Variants in GPATCH8 observed in about 807,000 individuals in gnomAD.
The protein encoded by GPATCH8 is G-patch domain containing 8, also known as G patch domain-containing protein 8.
A neutral mutation model predicts 118.3 loss-of-function variants in GPATCH8; 18 were observed. That is an observed-to-expected ratio of 0.15 (90% CI 0.11 to 0.23). The LOEUF is 0.23. GPATCH8 is among the 10% of genes least tolerant of loss of function. The pLI is 1.00. For synonymous variants in GPATCH8, 659 were observed against 684.7 expected (o/e 0.96, Z 0.59); for missense variants, 1,631 against 1,873.8 (o/e 0.87, Z 2.39).
intron 6 of GPATCH8, 82 bp downstream of exon 6, chr17:44,424,267 T>C (rs2050015025): frequency 3.2e-6 from 3 of 951,544 alleles, no homozygotes; most frequent in Non-Finnish European, 5.2e-6. Context: ...AGACACCAAG[T>C]TTTGGGGGGT....
chr17:44,485,636 C>T (rs2144437351), intron 1 of GPATCH8, among the ~76,000 whole-genome samples: 1 of 152,250 alleles, frequency 6.6e-6, no homozygotes, highest in East Asian at 1.9e-4. Flanking sequence ...CTACCATTCC[C>T]TCAATGAGAG....
chr17:44,473,328 GT>G (rs1313121721), intron 2 of GPATCH8: 2 of 151,796 alleles, frequency 1.3e-5, no homozygotes, highest in Non-Finnish European at 2.9e-5. Context: ...TAGAGATGGG[GT>G]TTCACCGTGT....
chr17:44,398,075 C>A lies in GPATCH8; in HGVS notation c.4002G>T (p.Gln1334His). 3 of 1,614,070 alleles carry A rather than the reference C, an allele frequency of 1.9e-6. No individual in the cohort carries two copies. Among genetic ancestry groups the A allele is most frequent in the Non-Finnish European group, 2.5e-6 (3 of 1,179,972 alleles). Residue 1334 changes from glutamine (Q) to histidine (H), a missense_variant, in exon 8 of 8, where the codon CAG (glutamine) becomes CAT (histidine). By Grantham distance (24) the Gln-to-His change is conservative. Transcript: ENST00000591680. Reference sequence around the variant, plus strand: ...AGGCCTTTACTTGCTTGGCCAGAAGCTGCTGCTGGATGTGTTGCTGAGCAG... The same window carrying A: ...AGGCCTTTACTTGCTTGGCCAGAAGATGCTGCTGGATGTGTTGCTGAGCAG... ...QQAAQQHIQQ[Q>H]LLAKQVKAFP...
intron 1 of GPATCH8, among the ~76,000 whole-genome samples, chr17:44,496,866 A>G (rs1395023400): frequency 6.6e-6 from 1 of 152,200 alleles, no homozygotes; most frequent in Admixed American, 6.5e-5. Context: ...TGCATTGACT[A>G]ATACGATATG....
intron 5 of GPATCH8, among the ~76,000 whole-genome samples, chr17:44,430,072 C>T (rs982749936): frequency 4.0e-5 from 6 of 149,704 alleles, no homozygotes; most frequent in East Asian, 2.0e-4. Context: ...ACCAACTCAC[C>T]GACCCACCCA....
Position 44,487,100 on chromosome 17 carries a change from A to T in GPATCH8, c.46-12197T>A, listed in dbSNP as rs548643578. Among the ~76,000 whole-genome samples the T allele has an allele frequency of 2.6e-5, 4 of 152,318 alleles. No homozygotes were observed. The East Asian group carries it at 7.7e-4, about 29-fold the overall frequency. ...TATACAGACATTTATCTACCATTAT[A>T]GTATCATAGAGAATAATTTCACTGC... On this transcript the variant is annotated intron_variant, in intron 1 of 7. Coordinates refer to ENST00000591680, the MANE Select transcript of GPATCH8 (RefSeq NM_001002909.4).
Position 44,395,975 on chromosome 17 carries a change from T to C in GPATCH8, c.*1593A>G. The C allele has an allele frequency of 4.4e-6, 2 of 454,400 alleles. No individual in the cohort carries two copies. The highest frequency in any genetic ancestry group is 8.8e-6 in the Non-Finnish European group (2 of 226,762). 28.1% of individuals were successfully genotyped at this position (454,400 alleles called of 1,614,324 possible). On this transcript the variant is annotated 3_prime_UTR_variant, in exon 8 of 8. Coordinates refer to ENST00000591680, the MANE Select transcript of GPATCH8 (RefSeq NM_001002909.4). The stretch of plus-strand genomic sequence containing the variant: ...GTGGTAATTCCTCTTGTCAGTGTCA[T>C]GGGAGAAAAGAAACAAGGAACGTTT...
intron 5 of GPATCH8, among the ~76,000 whole-genome samples, chr17:44,429,247 A>G (rs1261144650): frequency 6.6e-6 from 1 of 152,230 alleles, no homozygotes; most frequent in Non-Finnish European, 1.5e-5. Context: ...AACACAGTAT[A>G]ATACAGCTAA....
chr17:44,463,681 A>G (rs2051649817), intron 3 of GPATCH8, among the ~76,000 whole-genome samples: 1 of 152,198 alleles, frequency 6.6e-6, no homozygotes, highest in African/African-American at 2.4e-5. Context: ...CGCCCGGCCA[A>G]TTCCCATAAT....
At chr17:44,480,676 C>T (rs905010924) in intron 1 of GPATCH8, among the ~76,000 whole-genome samples, 5 of 150,092 alleles carry the variant, frequency 3.3e-5, no homozygotes, top group Admixed American at 6.7e-5. Flanking sequence ...GCTGAGATCG[C>T]GCCATTGCAC....
intron 1 of GPATCH8, among the ~76,000 whole-genome samples, chr17:44,481,515 A>G (rs1968236922): frequency 6.6e-6 from 1 of 152,184 alleles, no homozygotes; most frequent in Admixed American, 6.5e-5. Flanking sequence ...AAACAAAGCT[A>G]AAGAAAAGAA....
chr17:44,460,649 T>G (rs374223651), intron 3 of GPATCH8, among the ~76,000 whole-genome samples: 3 of 152,220 alleles, frequency 2.0e-5, no homozygotes, highest in South Asian at 4.1e-4. Flanking sequence ...AGTGGATGGT[T>G]GCATGTGAGA....
chr17:44,433,240 C>A (rs2050382212), intron 5 of GPATCH8, among the ~76,000 whole-genome samples: 1 of 152,128 alleles, frequency 6.6e-6, no homozygotes, highest in Non-Finnish European at 1.5e-5. Context: ...GTAACTTTTA[C>A]TTGAAAAATA....
At chr17:44,453,863 C>A (rs1401443553) in intron 3 of GPATCH8, among the ~76,000 whole-genome samples, 1 of 151,844 alleles carries the variant, frequency 6.6e-6, no homozygotes, top group Non-Finnish European at 1.5e-5. Context: ...TTCCTGGAGA[C>A]CTAGAACTCT....
chr17:44,413,548 C>T (rs958795391), intron 6 of GPATCH8, among the ~76,000 whole-genome samples: 4 of 152,112 alleles, frequency 2.6e-5, no homozygotes, highest in Admixed American at 2.6e-4. Context: ...GTGGCGCGAT[C>T]TTGGCTCACT....
chr17:44,454,279 A>G (rs184233904), intron 3 of GPATCH8, among the ~76,000 whole-genome samples: 4 of 152,076 alleles, frequency 2.6e-5, no homozygotes, highest in Admixed American at 6.6e-5. Context: ...AGCTAGGAAT[A>G]TAAGTGTGCA....
At chr17:44,450,887 C>T (rs1379016714) in intron 3 of GPATCH8, among the ~76,000 whole-genome samples, 1 of 152,118 alleles carries the variant, frequency 6.6e-6, no homozygotes, top group African/African-American at 2.4e-5. Flanking sequence ...TTTATTCTCA[C>T]AATCTGAGAC....
intron 5 of GPATCH8, among the ~76,000 whole-genome samples, chr17:44,428,992 T>C (rs1227983498): frequency 1.3e-5 from 2 of 151,780 alleles, no homozygotes; most frequent in Admixed American, 1.3e-4. Flanking sequence ...ATACAAAAAA[T>C]TAGCCGGGCG....
intron 3 of GPATCH8, among the ~76,000 whole-genome samples, chr17:44,456,912 G>GGA: frequency 6.6e-6 from 1 of 152,034 alleles, no homozygotes; most frequent in South Asian, 2.1e-4. Flanking sequence ...TGCCCAGGAT[G>GGA]GAGTGCAGTG....
Sources: gnomAD v4.1 joint callset for allele counts (sites outside exome capture counted in the v4.1 genomes callset) on GRCh38, gnomAD v4.1.1 for gene constraint, MANE v1.5 for transcripts, NCBI Gene and HGNC (gene_info 2026-07-23, HGNC 2026-07-21) for gene names.